The following KAT6A variants were observed in gnomAD, a reference collection of about 807,000 sequenced individuals.
KAT6A encodes lysine acetyltransferase 6A.
KAT6A carries 9 observed loss-of-function variants against 198.4 expected under a neutral mutation model. The observed-to-expected ratio is 0.05, with a 90% CI of 0.03 to 0.08. The LOEUF (loss-of-function observed/expected upper bound fraction) is 0.08. KAT6A is among the 10% of genes least tolerant of loss of function. The pLI, the probability that KAT6A is intolerant of heterozygous loss-of-function variation, is 1.00. For synonymous variants in KAT6A, 890 were observed against 883.0 expected (o/e 1.01, Z -0.14); for missense variants, 2,077 against 2,509.9 (o/e 0.83, Z 3.69).
chr8:41,953,008 C>T (rs931473748), intron 9 of KAT6A, among the ~76,000 whole-genome samples: 37 of 152,238 alleles, frequency 2.4e-4, no homozygotes, highest in Admixed American at 5.9e-4. Flanking sequence ...ATGAATTTTA[C>T]AAGTTCCTAT....
At chr8:42,000,006 T>C (rs1825408721) in intron 2 of KAT6A, among the ~76,000 whole-genome samples, 1 of 152,216 alleles carries the variant, frequency 6.6e-6, no homozygotes, top group African/African-American at 2.4e-5. Context: ...AACTGACTGA[T>C]TGCCACTTCT....
chr8:42,046,072 G>A (rs954076771), intron 2 of KAT6A, among the ~76,000 whole-genome samples: 2 of 152,144 alleles, frequency 1.3e-5, no homozygotes, highest in Admixed American at 1.3e-4. Flanking sequence ...TGGATTAGAC[G>A]GTTCTCAGGG....
At chr8:42,028,069 T>G (rs1826924336) in intron 2 of KAT6A, among the ~76,000 whole-genome samples, 1 of 152,238 alleles carries the variant, frequency 6.6e-6, no homozygotes, top group Non-Finnish European at 1.5e-5. Flanking sequence ...AAAGTTCCTC[T>G]TCTTCTGGAT....
chr8:41,943,660 T>G, intron 13 of KAT6A, 88 bp downstream of exon 13: 2 of 779,136 alleles, frequency 2.6e-6, no homozygotes, highest in Non-Finnish European at 4.4e-6. Flanking sequence ...TATTAGTTAA[T>G]GCCCTTTCAT....
chr8:41,961,751 CAAAAAAAAAAAAA>C (rs913470847), intron 8 of KAT6A, among the ~76,000 whole-genome samples: 23 of 46,522 alleles, frequency 4.9e-4, no homozygotes, highest in Admixed American at 6.4e-4. Flanking sequence ...GACTCCATCT[CAAAAAAAAAAAAA>C]AAAAAAAAAG....
intron 11 of KAT6A, among the ~76,000 whole-genome samples, chr8:41,947,102 C>T (rs958658278): frequency 6.6e-6 from 1 of 152,172 alleles, no homozygotes; most frequent in African/African-American, 2.4e-5. Context: ...CAGAGCAGTC[C>T]TATTAGTTGT....
At chr8:42,030,651 G>A (rs1827062901) in intron 2 of KAT6A, among the ~76,000 whole-genome samples, 1 of 151,672 alleles carries the variant, frequency 6.6e-6, no homozygotes, top group South Asian at 2.1e-4. Flanking sequence ...CGCAAACTCT[G>A]CCTCCCAGGT....
rs1422427667 is a variant in KAT6A, at chr8:41,976,991, CTG to C, written c.1363+15_1363+16del. 6.4e-7 allele frequency: 1 copy of C among 1,554,666 alleles called. No homozygotes were observed. The highest frequency in any genetic ancestry group is 2.3e-5 in the East Asian group (1 of 44,328). On this transcript the variant is annotated intron_variant, in intron 7 of 16. Transcript: ENST00000265713. ...TACAGAATACTATTTGTTTCTAAGTCTGTTCTAAACTCTTACCTGTGGGCCAA... is the reference window on the plus strand; with the variant it reads ...TACAGAATACTATTTGTTTCTAAGTCTTCTAAACTCTTACCTGTGGGCCAA...
intron 9 of KAT6A, among the ~76,000 whole-genome samples, chr8:41,952,679 A>G (rs1251750963): frequency 6.6e-6 from 1 of 152,180 alleles, no homozygotes; most frequent in African/African-American, 2.4e-5. Context: ...TGAAACCTTT[A>G]ATAAGAAAAT....
At position 41,941,063 on chromosome 8, in the gene KAT6A, G is replaced by A; in HGVS notation, c.2818C>T (p.Leu940Phe). ...CGCCAGGGCTCAACCCCCTCACTGAGTCTTCTCTTGGGAAGGTCAGGTTTC... is the reference window on the plus strand; with the variant it reads ...CGCCAGGGCTCAACCCCCTCACTGAATCTTCTCTTGGGAAGGTCAGGTTTC... ...DGKPDLPKRRLSEGVEPWRGQ... is the reference protein window; with the variant it reads ...DGKPDLPKRRFSEGVEPWRGQ... The change falls in exon 15 of 17, where the codon CTC becomes TTC. Residue 940 changes from leucine to phenylalanine, a missense_variant. Around this residue, in one of 13 missense-constraint regions of KAT6A, gnomAD observed 301 missense variants for 272.2 expected, o/e 1.11. Transcript: ENST00000265713. 1.2e-6 allele frequency: 2 copies of A among 1,614,180 alleles called. No individual in the cohort carries two copies. Among genetic ancestry groups the A allele is most frequent in the East Asian group, 4.5e-5 (2 of 44,872 alleles).
At position 42,051,965 on chromosome 8, in the gene KAT6A, A is replaced by AGG. The variant is rs2150935206; in HGVS notation, c.-391_-390insCC. 7.0e-6 allele frequency: 1 copy of AGG among 141,920 alleles called. No homozygotes were observed. The highest frequency in any genetic ancestry group is 2.6e-5 in the African/African-American group (1 of 39,110). 8.8% of individuals were successfully genotyped at this position (141,920 alleles called of 1,614,324 possible). On this transcript the variant is annotated 5_prime_UTR_variant, in exon 1 of 17. An upstream open reading frame in the 5' UTR loses its in-frame stop. Transcript: ENST00000265713. ...GACCGCGGAGATGCCCCAAACTGACACGGCCGCCATCTTGGAGACAGTGAG... is the reference window on the plus strand; with the variant it reads ...GACCGCGGAGATGCCCCAAACTGACAGGCGGCCGCCATCTTGGAGACAGTGAG...
chr8:41,947,650 CT>C, intron 11 of KAT6A, 100 bp downstream of exon 11: 1 of 904,560 alleles, frequency 1.1e-6, no homozygotes, highest in East Asian at 2.6e-5. Context: ...TAGATGACAC[CT>C]AGGAGGTGCT....
chr8:42,021,964 T>C (rs1826558634), intron 2 of KAT6A, among the ~76,000 whole-genome samples: 1 of 152,158 alleles, frequency 6.6e-6, no homozygotes. Context: ...GTTAATACTT[T>C]TAATTATTGC....
chr8:41,943,962 G>A lies in KAT6A; in HGVS notation c.2014C>T (p.Arg672Cys), dbSNP rs1296275576. The A allele has an allele frequency of 1.1e-5, 17 of 1,613,082 alleles. No individual in the cohort carries two copies. In the East Asian group the frequency reaches 3.1e-4, roughly 30 times the overall value. ...TCTGGAGACCCTGCTTGGCCTTCAC[G>A]CTTTGATAACAAATAACCTAAAGAA... Reference protein sequence around the residue: ...LIDFSYLLSKREGQAGSPEKP... With the variant: ...LIDFSYLLSKCEGQAGSPEKP... Residue 672 changes from arginine to cysteine, a missense_variant, in exon 13 of 17, where the codon CGT becomes TGT. By Grantham distance (180) the Arg-to-Cys change is radical. Coordinates refer to ENST00000265713, the MANE Select transcript of KAT6A (RefSeq NM_006766.5).
intron 3 of KAT6A, among the ~76,000 whole-genome samples, chr8:41,983,247 C>G (rs755431818): frequency 6.6e-6 from 1 of 152,146 alleles, no homozygotes; most frequent in Non-Finnish European, 1.5e-5. Flanking sequence ...CTTGTTAAAT[C>G]TTCTCCTCTC....
At chr8:42,010,282 G>A (rs1564063296) in intron 2 of KAT6A, among the ~76,000 whole-genome samples, 1 of 152,146 alleles carries the variant, frequency 6.6e-6, no homozygotes, top group African/African-American at 2.4e-5. Flanking sequence ...TCCAGCCTGG[G>A]TGACTGGTAT....
intron 10 of KAT6A, among the ~76,000 whole-genome samples, chr8:41,948,941 T>C (rs922773036): frequency 2.7e-5 from 4 of 150,800 alleles, no homozygotes; most frequent in African/African-American, 9.7e-5. Context: ...AGATTTACTA[T>C]TAAACAGATC....
intron 8 of KAT6A, among the ~76,000 whole-genome samples, chr8:41,965,053 G>GC (rs934312621): frequency 1.3e-5 from 2 of 152,142 alleles, no homozygotes; most frequent in Admixed American, 6.5e-5. Flanking sequence ...CCTACTACAT[G>GC]CAAGTCACAC....
At chr8:41,965,265 A>G (rs1031656123) in intron 8 of KAT6A, among the ~76,000 whole-genome samples, 1 of 152,242 alleles carries the variant, frequency 6.6e-6, no homozygotes, top group Admixed American at 6.5e-5. Context: ...ACGAACGCTA[A>G]CATTTTTCAC....
Sources: gnomAD v4.1 joint callset for allele counts (sites outside exome capture counted in the v4.1 genomes callset) on GRCh38, gnomAD v4.1.1 for gene constraint, gnomAD v4.1.1 regional missense constraint, MANE v1.5 for transcripts, NCBI Gene and HGNC (gene_info 2026-07-23, HGNC 2026-07-21) for gene names.